Variants in ATRX observed in about 807,000 individuals in gnomAD.
ATRX encodes chromatin remodeler ATRX.
A neutral mutation model predicts 172.6 loss-of-function variants in ATRX; 12 were observed. The ratio of observed to expected loss-of-function variants is 0.07; its 90% confidence interval spans 0.04 to 0.11. The LOEUF is 0.11. ATRX is among the 10% of genes least tolerant of loss of function. The pLI is 1.00. For missense variants in ATRX, 1,368 were observed against 1,767.4 expected, an observed-to-expected ratio of 0.77 and a Z score of 4.05; for synonymous variants, 674 against 594.7, an observed-to-expected ratio of 1.13 and a Z score of -1.94.
intron 1 of ATRX, among the ~76,000 whole-genome samples, chrX:77,724,731 T>C (rs988760321): frequency 8.9e-6 from 1 of 111,872 alleles, no homozygotes; most frequent in Admixed American, 9.5e-5. Flanking sequence ...CAACATATCA[T>C]CAGGAATGAC....
chrX:77,654,778 C>T (rs1569535718), intron 13 of ATRX, among the ~76,000 whole-genome samples: 1 of 111,610 alleles, frequency 9.0e-6, no homozygotes, highest in Non-Finnish European at 1.9e-5. Context: ...ATAGAATTAC[C>T]ATGCAATTCC....
At chrX:77,660,537 G>A (rs988379125) in intron 12 of ATRX, among the ~76,000 whole-genome samples, 4 of 108,585 alleles carry the variant, frequency 3.7e-5, no homozygotes, top group African/African-American at 6.7e-5. Context: ...ACTGCACTCC[G>A]GCCTGGGCGA....
chrX:77,533,124 A>T (rs1383739085), intron 30 of ATRX, among the ~76,000 whole-genome samples: 1 of 112,426 alleles, frequency 8.9e-6, no homozygotes, highest in Non-Finnish European at 1.9e-5. Context: ...GGCTATTACT[A>T]AAAAGTCAAA....
intron 27 of ATRX, among the ~76,000 whole-genome samples, chrX:77,586,414 G>C (rs1557077123): frequency 3.6e-5 from 4 of 112,058 alleles, no homozygotes; most frequent in Admixed American, 2.8e-4. Context: ...CGGGTGGAGA[G>C]AGCATTGCAG....
At chrX:77,516,508 A>C (rs1453725201) in intron 34 of ATRX, among the ~76,000 whole-genome samples, 1 of 112,277 alleles carries the variant, frequency 8.9e-6, no homozygotes, top group African/African-American at 3.2e-5. Context: ...TTATATAATG[A>C]TAAAGGGGTC....
At chrX:77,764,734 T>C (rs2075846737) in intron 1 of ATRX, among the ~76,000 whole-genome samples, 1 of 112,169 alleles carries the variant, frequency 8.9e-6, no homozygotes, top group South Asian at 3.6e-4. Flanking sequence ...GTAGTTAACC[T>C]ACTCTGACCT....
At chrX:77,575,791 G>C (rs1350186544) in intron 27 of ATRX, 2 of 111,316 alleles carry the variant, frequency 1.8e-5, no homozygotes, top group Non-Finnish European at 3.8e-5. Flanking sequence ...TATTGCATAG[G>C]GTTGTTATGA....
chrX:77,687,934 A>G (rs2148653108), intron 7 of ATRX, among the ~76,000 whole-genome samples: 2 of 111,767 alleles, frequency 1.8e-5, no homozygotes, highest in East Asian at 5.6e-4. Flanking sequence ...CTTGACATTT[A>G]TAGGTAGGTA....
intron 1 of ATRX, among the ~76,000 whole-genome samples, chrX:77,743,537 G>A (rs2074958000): frequency 1.8e-5 from 2 of 111,198 alleles, no homozygotes; most frequent in Non-Finnish European, 3.8e-5. Flanking sequence ...AAACACCAGA[G>A]TACTTCTCCC....
intron 1 of ATRX, among the ~76,000 whole-genome samples, chrX:77,774,771 A>G (rs2076289879): frequency 8.9e-6 from 1 of 111,939 alleles, no homozygotes; most frequent in Non-Finnish European, 1.9e-5. Flanking sequence ...CTGCAGTGGC[A>G]TGATCATAGT....
At chrX:77,746,980 T>C (rs1557185293) in intron 1 of ATRX, among the ~76,000 whole-genome samples, 2 of 109,604 alleles carry the variant, frequency 1.8e-5, no homozygotes, top group African/African-American at 6.6e-5. Context: ...TTTGTATTTT[T>C]AGTAGAGATG....
intron 10 of ATRX, among the ~76,000 whole-genome samples, chrX:77,672,186 A>T (rs2070658887): frequency 9.0e-6 from 1 of 111,669 alleles, no homozygotes; most frequent in Non-Finnish European, 1.9e-5. Flanking sequence ...ACAATAAAGG[A>T]GAATCAAAGC....
chrX:77,670,600 C>A (rs1281382954), intron 10 of ATRX, among the ~76,000 whole-genome samples: 1 of 109,216 alleles, frequency 9.2e-6, no homozygotes, highest in African/African-American at 3.3e-5. Flanking sequence ...ACTAAAAATA[C>A]AAAAATTAGC....
intron 1 of ATRX, among the ~76,000 whole-genome samples, chrX:77,743,079 C>T (rs1276948673): frequency 9.0e-6 from 1 of 110,708 alleles, no homozygotes; most frequent in Non-Finnish European, 1.9e-5. Flanking sequence ...CAGCCACCAC[C>T]AGTGCTAGAA....
chrX:77,522,112 A>G (rs187624986), intron 32 of ATRX, 151 bp downstream of exon 32: 1 of 744,902 alleles, frequency 1.3e-6, no homozygotes, highest in East Asian at 3.3e-5. Context: ...TGTTGGTTCA[A>G]AACGGTCAAC....
At chrX:77,646,819 G>A (rs2068941884) in intron 15 of ATRX, among the ~76,000 whole-genome samples, 1 of 108,792 alleles carries the variant, frequency 9.2e-6, no homozygotes. Flanking sequence ...GCTACTCAAG[G>A]GGCGGAGGCA....
At chrX:77,512,631 G>T (rs2062908681) in intron 34 of ATRX, among the ~76,000 whole-genome samples, 1 of 112,221 alleles carries the variant, frequency 8.9e-6, no homozygotes. Context: ...CGCTTTGGGA[G>T]GCCAAGGTGG....
intron 1 of ATRX, among the ~76,000 whole-genome samples, chrX:77,721,901 A>G (rs900411884): frequency 2.7e-5 from 3 of 112,051 alleles, no homozygotes; most frequent in African/African-American, 9.7e-5. Flanking sequence ...AGCTGGAGGC[A>G]TCATGCTACC....
At chrX:77,553,944 T>C (rs1043513685) in intron 30 of ATRX, among the ~76,000 whole-genome samples, 2 of 111,747 alleles carry the variant, frequency 1.8e-5, no homozygotes, top group Non-Finnish European at 1.9e-5. Flanking sequence ...ACCAGTACAA[T>C]TGGCATATCA....
Sources: gnomAD v4.1 joint callset for allele counts (sites outside exome capture counted in the v4.1 genomes callset) on GRCh38, gnomAD v4.1.1 for gene constraint, MANE v1.5 for transcripts, NCBI Gene and HGNC (gene_info 2026-07-23, HGNC 2026-07-21) for gene names.